The following RYR2 variants were observed in gnomAD, a reference collection of about 807,000 sequenced individuals.
RYR2 encodes the protein ryanodine receptor 2.
RYR2 carries 227 observed loss-of-function variants against 601.1 expected under a neutral mutation model. The observed-to-expected ratio is 0.38, with a 90% CI of 0.34 to 0.42. The LOEUF is 0.42. Ranked by LOEUF, RYR2 falls within the 10% of genes least tolerant of loss-of-function variation. The pLI, the probability that RYR2 is intolerant of heterozygous loss-of-function variation, is 1.00. For synonymous variants in RYR2, 2,223 were observed against 2,175.1 expected, an observed-to-expected ratio of 1.02 and a Z score of -0.61; for missense variants, 4,646 against 6,156.5, an observed-to-expected ratio of 0.75 and a Z score of 8.21.
At chr1:237,575,550 C>T (rs192424641) in intron 29 of RYR2, among the ~76,000 whole-genome samples, 51 of 152,054 alleles carry the variant, frequency 3.4e-4, no homozygotes, top group Non-Finnish European at 6.0e-4. Context: ...CCACCCCCGG[C>T]GTACCTATAT....
chr1:237,692,267 T>G (rs1337080693), intron 63 of RYR2, among the ~76,000 whole-genome samples: 2 of 152,176 alleles, frequency 1.3e-5, no homozygotes, highest in Non-Finnish European at 2.9e-5. Context: ...GATAGGAAAA[T>G]GAAGATTGAT....
At chr1:237,057,173 C>G (rs12742508) in intron 1 of RYR2, among the ~76,000 whole-genome samples, 149,690 of 152,202 alleles carry the variant, frequency 0.98, 73,648 homozygotes, top group Middle Eastern at 1. Flanking sequence ...GAGGCTCAGA[C>G]GAAGGTGACT....
intron 29 of RYR2, among the ~76,000 whole-genome samples, chr1:237,578,077 T>G (rs914690444): frequency 6.6e-6 from 1 of 152,150 alleles, no homozygotes; most frequent in South Asian, 2.1e-4. Context: ...CCCAAAGTGC[T>G]GGGATTACAG....
Position 237,450,227 on chromosome 1 carries a change from G to A in RYR2, c.1293-4164G>A, listed in dbSNP as rs1180746965. 2.6e-5 allele frequency among the ~76,000 whole-genome samples: 4 copies of A among 152,036 alleles called. No individual in the cohort carries two copies. In the South Asian group the frequency reaches 6.2e-4, roughly 24 times the overall value. Reference sequence around the variant, plus strand: ...CATCAGTGTTCTGCTGAATATTTGAGGGGGACCTTCTGTAGGTCTCCAGGG... The same window carrying A: ...CATCAGTGTTCTGCTGAATATTTGAAGGGGACCTTCTGTAGGTCTCCAGGG... On this transcript the variant is annotated intron_variant, in intron 14 of 104. Coordinates refer to ENST00000366574, the MANE Select transcript of RYR2 (RefSeq NM_001035.3).
intron 1 of RYR2, among the ~76,000 whole-genome samples, chr1:237,152,575 G>A (rs920520153): frequency 6.6e-6 from 1 of 152,026 alleles, no homozygotes; most frequent in Non-Finnish European, 1.5e-5. Flanking sequence ...ATCTCATTGT[G>A]GTTTTGATTT....
chr1:237,462,544 G>A (rs1461985652), intron 16 of RYR2, among the ~76,000 whole-genome samples: 4 of 152,126 alleles, frequency 2.6e-5, no homozygotes, highest in Non-Finnish European at 5.9e-5. Context: ...AGAAATGGCC[G>A]CTGGGCAAAC....
chr1:237,613,123 A>C (rs1678069155), intron 36 of RYR2, among the ~76,000 whole-genome samples: 1 of 152,242 alleles, frequency 6.6e-6, no homozygotes, highest in Non-Finnish European at 1.5e-5. Context: ...GGAAGTCTTA[A>C]CTAGCATGGT....
At chr1:237,436,453 C>CATTTTTTTTTTTTTTTTTT (rs1491092540) in intron 12 of RYR2, among the ~76,000 whole-genome samples, 4 of 55,826 alleles carry the variant, frequency 7.2e-5, no homozygotes, top group Non-Finnish European at 1.2e-4. Context: ...GTGTGATTTT[C>CATTTTTTTTTTTTTTTTTT]CTTTTTTTTT....
Position 237,623,947 on chromosome 1 carries a change from T to C in RYR2, c.6022+77T>C, listed in dbSNP as rs1447294069. On this transcript the variant is annotated intron_variant, in intron 39 of 104. Coordinates refer to ENST00000366574, the MANE Select transcript of RYR2 (RefSeq NM_001035.3). ...ATATCCTGAGACGAAATTAAGTGTA[T>C]ATGCGAATATTTTCACGAATACACA... is the stretch of plus-strand genomic sequence containing the variant. The C allele has an allele frequency of 3.3e-6, 3 of 918,576 alleles. No homozygotes were observed. In the African/African-American group the frequency reaches 4.9e-5, roughly 15 times the overall value. The allele number at this position is 918,576 out of a possible 1,614,324, so 56.9% of individuals were successfully genotyped here.
intron 27 of RYR2, among the ~76,000 whole-genome samples, chr1:237,560,704 A>T (rs1485031668): frequency 2.0e-5 from 3 of 152,188 alleles, no homozygotes; most frequent in Non-Finnish European, 4.4e-5. Context: ...TCATTTGCAT[A>T]GTTTTTTGCC....
At chr1:237,352,410 A>C (rs1002232932) in intron 3 of RYR2, among the ~76,000 whole-genome samples, 1 of 152,134 alleles carries the variant, frequency 6.6e-6, no homozygotes, top group African/African-American at 2.4e-5. Context: ...AAACCTTTAC[A>C]CAGAAAATTG....
At chr1:237,583,533 A>G (rs1004885481) in intron 29 of RYR2, among the ~76,000 whole-genome samples, 2 of 152,184 alleles carry the variant, frequency 1.3e-5, no homozygotes, top group Non-Finnish European at 2.9e-5. Context: ...ATTATATGGC[A>G]CATAGTAGGC....
At chr1:237,663,552 C>T (rs1304654075) in intron 56 of RYR2, among the ~76,000 whole-genome samples, 2 of 152,200 alleles carry the variant, frequency 1.3e-5, no homozygotes, top group African/African-American at 4.8e-5. Context: ...GAGTACCTAG[C>T]TGGTATCGTG....
intron 84 of RYR2, among the ~76,000 whole-genome samples, chr1:237,764,039 A>G (rs12123249): frequency 0.057 from 8,612 of 152,286 alleles, 272 homozygotes; most frequent in Non-Finnish European, 0.078. Context: ...AATCTGTTGT[A>G]CCTGAATCTT....
intron 56 of RYR2, among the ~76,000 whole-genome samples, chr1:237,664,172 C>T (rs769268344): frequency 7.9e-5 from 12 of 152,020 alleles, no homozygotes; most frequent in East Asian, 1.9e-4. Context: ...GCTTATAACC[C>T]GGAAGGGGAA....
rs1339692944 is a variant in RYR2 at position 237,727,162 on chromosome 1, G to GC, written c.10803dup (p.Cys3602LeufsTer9). 6.3e-7 allele frequency: 1 copy of GC among 1,588,306 alleles called. No homozygotes were observed. ...CAAGCAGAGGAAAAGGGCTGTTGTA[G>GC]CCTGCTTCCGGATGGCCCCCTTATA... On this transcript the variant is annotated frameshift_variant, in exon 76 of 105. Coordinates refer to ENST00000366574, the MANE Select transcript of RYR2 (RefSeq NM_001035.3). LOFTEE classifies it high-confidence loss of function.
chr1:237,557,181 T>C (rs981828853), intron 27 of RYR2, among the ~76,000 whole-genome samples: 13 of 152,164 alleles, frequency 8.5e-5, no homozygotes. Flanking sequence ...GAGCTCTTCA[T>C]AGAGATGCTC....
At chr1:237,707,409 T>C (rs1192471262) in intron 68 of RYR2, 140 bp downstream of exon 68, 3 of 508,662 alleles carry the variant, frequency 5.9e-6, no homozygotes, top group Non-Finnish European at 1.0e-5. Flanking sequence ...TGTCATGCTA[T>C]TTTTTAATGT....
chr1:237,274,982 A>T (rs150611246), intron 2 of RYR2, among the ~76,000 whole-genome samples: 1 of 152,008 alleles, frequency 6.6e-6, no homozygotes, highest in Non-Finnish European at 1.5e-5. Flanking sequence ...TGATGTACAC[A>T]TAATGATAAG....
Sources: gnomAD v4.1 joint callset for allele counts (sites outside exome capture counted in the v4.1 genomes callset) on GRCh38, gnomAD v4.1.1 for gene constraint, MANE v1.5 for transcripts, NCBI Gene and HGNC (gene_info 2026-07-23, HGNC 2026-07-21) for gene names.